Variants in PKIB observed in about 807,000 individuals in gnomAD.
PKIB encodes cAMP-dependent protein kinase inhibitor beta.
Under a neutral mutation model 4.5 loss-of-function variants are expected in PKIB, and 2 were observed. That is an observed-to-expected ratio of 0.44 (90% CI 0.18 to 1.39). The LOEUF (loss-of-function observed/expected upper bound fraction) is 1.39, where lower values mean the gene tolerates loss of function less well. Among genes scored for constraint, PKIB ranks in the 40% most tolerant of loss-of-function variants. The pLI is 0.27. For synonymous variants in PKIB, 38 were observed against 36.0 expected (o/e 1.06, Z -0.20); for missense variants, 94 against 92.6 (o/e 1.02, Z -0.06).
chr6:122,572,937 C>A (rs1164826239), intron 2 of PKIB, among the ~76,000 whole-genome samples: 2 of 152,052 alleles, frequency 1.3e-5, no homozygotes, highest in East Asian at 3.9e-4. Context: ...AACTAGAAAC[C>A]CTGAACAGAC....
rs1776842980 is a variant in PKIB, at chr6:122,518,815, AT to A, written c.-248+40880del. Among the ~76,000 whole-genome samples, 5 of 152,268 alleles carry A rather than the reference AT, an allele frequency of 3.3e-5. No individual in the cohort carries two copies. In the South Asian group the frequency reaches 1.0e-3, roughly 32 times the overall value. On this transcript the variant is annotated intron_variant, in intron 2 of 6. Coordinates refer to the PKIB transcript ENST00000392491. ...TTTATTTATGCATCATATGCTATTC[AT>A]TTTATTTTTAAAGTATCTGTTAAAA... is the stretch of plus-strand genomic sequence containing the variant.
At chr6:122,657,311 G>A (rs1022173512) in intron 2 of PKIB, among the ~76,000 whole-genome samples, 7 of 152,146 alleles carry the variant, frequency 4.6e-5, no homozygotes, top group African/African-American at 7.2e-5. Flanking sequence ...TTCATTAGGG[G>A]CACACATGAA....
intron 1 of PKIB, among the ~76,000 whole-genome samples, chr6:122,623,686 C>T (rs149174083): frequency 1.1e-3 from 166 of 152,276 alleles, no homozygotes; most frequent in African/African-American, 3.9e-3. Flanking sequence ...AAATTTCCCT[C>T]AAGCCTTGCA....
intron 3 of PKIB, among the ~76,000 whole-genome samples, chr6:122,691,519 A>C (rs1287472823): frequency 6.6e-6 from 1 of 152,002 alleles, no homozygotes; most frequent in Non-Finnish European, 1.5e-5. Flanking sequence ...TCACCTCCAG[A>C]ATTTCTGCTT....
chr6:122,696,515 G>T (rs1320323619), intron 3 of PKIB, among the ~76,000 whole-genome samples: 1 of 152,162 alleles, frequency 6.6e-6, no homozygotes, highest in African/African-American at 2.4e-5. Flanking sequence ...AGCTCTCTTT[G>T]TATGTTCTTC....
chr6:122,588,087 A>G (rs1773904774), intron 3 of PKIB, among the ~76,000 whole-genome samples: 1 of 152,126 alleles, frequency 6.6e-6, no homozygotes, highest in Non-Finnish European at 1.5e-5. Context: ...TTTAGACATG[A>G]AGTCCTTGCC....
At chr6:122,675,535 T>C (rs1240141133) in intron 3 of PKIB, among the ~76,000 whole-genome samples, 1 of 152,216 alleles carries the variant, frequency 6.6e-6, no homozygotes, top group Non-Finnish European at 1.5e-5. Context: ...AATAGTATTC[T>C]GTTAAAAGTT....
intron 3 of PKIB, among the ~76,000 whole-genome samples, chr6:122,709,347 A>G (rs1779184891): frequency 6.6e-6 from 1 of 152,128 alleles, no homozygotes; most frequent in Non-Finnish European, 1.5e-5. Flanking sequence ...AATGCAGTTA[A>G]GTAGTGCCCA....
chr6:122,514,089 T>G (rs1463157032), intron 2 of PKIB, among the ~76,000 whole-genome samples: 1 of 152,194 alleles, frequency 6.6e-6, no homozygotes, highest in African/African-American at 2.4e-5. Flanking sequence ...GGTGAGAGAC[T>G]GGAGCAAGAC....
intron 3 of PKIB, among the ~76,000 whole-genome samples, chr6:122,697,183 G>GGCAAACAGAGAACAAAACCT (rs1443748480): frequency 1.3e-5 from 2 of 152,020 alleles, no homozygotes; most frequent in African/African-American, 4.8e-5. Context: ...TGATTTGGCA[G>GGCAAACAGAGAACAAAACCT]GCAAACAGAG....
intron 2 of PKIB, among the ~76,000 whole-genome samples, chr6:122,544,674 T>C (rs1310771412): frequency 6.6e-6 from 1 of 151,816 alleles, no homozygotes; most frequent in Non-Finnish European, 1.5e-5. Flanking sequence ...AAAAGCCAAG[T>C]AGAAGAAAAA....
intron 4 of PKIB, among the ~76,000 whole-genome samples, chr6:122,722,935 C>A (rs534225974): frequency 5.2e-4 from 79 of 152,296 alleles, no homozygotes; most frequent in Middle Eastern, 3.4e-3. Context: ...GACATCATTT[C>A]TGCTAACACC....
At chr6:122,488,101 T>C (rs1055798384) in intron 2 of PKIB, among the ~76,000 whole-genome samples, 1 of 152,178 alleles carries the variant, frequency 6.6e-6, no homozygotes, top group Non-Finnish European at 1.5e-5. Context: ...AAGGTTCTTA[T>C]CTCAATATGT....
At chr6:122,644,596 T>C (rs1776240191) in intron 2 of PKIB, 1 of 152,224 alleles carries the variant, frequency 6.6e-6, no homozygotes, top group Non-Finnish European at 1.5e-5. Context: ...TTGATATTTG[T>C]AAAGTACTTA....
intron 4 of PKIB, among the ~76,000 whole-genome samples, chr6:122,721,587 A>G (rs1779745380): frequency 6.6e-6 from 1 of 152,172 alleles, no homozygotes. Context: ...GCACTCTAAA[A>G]ATGTGACAAG....
intron 2 of PKIB, among the ~76,000 whole-genome samples, chr6:122,571,830 A>G (rs1773374977): frequency 6.6e-6 from 1 of 152,216 alleles, no homozygotes; most frequent in Admixed American, 6.5e-5. Flanking sequence ...CATAATGAAG[A>G]AAAACAAAGT....
Position 122,625,078 on chromosome 6 carries a change from G to A in PKIB, c.-160-8205G>A, listed in dbSNP as rs117162992. Among the ~76,000 whole-genome samples, 189 of 152,238 alleles carry A rather than the reference G, an allele frequency of 1.2e-3. 3 individuals are homozygous for A. The East Asian group carries it at 0.02, about 16-fold the overall frequency. On this transcript the variant is annotated intron_variant, in intron 1 of 4. Coordinates refer to ENST00000368452, the MANE Select transcript of PKIB (RefSeq NM_181795.3). ...TAAACTACTATGTAAAAGCAGTTGC[G>A]CAATGCAGATGTTACCTTTTTAATT...
At chr6:122,686,137 T>C (rs547649688) in intron 3 of PKIB, among the ~76,000 whole-genome samples, 1 of 152,322 alleles carries the variant, frequency 6.6e-6, no homozygotes, top group East Asian at 1.9e-4. Flanking sequence ...ACCTCTTTGA[T>C]ATATTGATTT....
intron 2 of PKIB, among the ~76,000 whole-genome samples, chr6:122,633,672 T>G (rs749031372): frequency 6.6e-6 from 1 of 152,170 alleles, no homozygotes. Context: ...ATGGTTCTTA[T>G]AGAGGCAGCT....
Sources: allele counts gnomAD v4.1 joint callset (sites outside exome capture counted in the v4.1 genomes callset), GRCh38; gene constraint gnomAD v4.1.1; transcripts MANE v1.5; gene names NCBI Gene and HGNC (gene_info 2026-07-23, HGNC 2026-07-21).